GPR158: variants seen among roughly 807,000 people sequenced by gnomAD.
GPR158 encodes the protein G protein-coupled receptor 158.
In GPR158, 30 loss-of-function variants were observed where a neutral mutation model predicts 78.2. That is an observed-to-expected ratio of 0.38 (90% CI 0.29 to 0.52). The LOEUF (loss-of-function observed/expected upper bound fraction) is 0.52, where lower values mean the gene tolerates loss of function less well. Ranked by LOEUF, GPR158 falls within the 20% of genes least tolerant of loss-of-function variation. GPR158 has a pLI of 0.83. For missense variants in GPR158, 1,463 were observed against 1,523.5 expected, an observed-to-expected ratio of 0.96 and a Z score of 0.66; for synonymous variants, 581 against 591.1, an observed-to-expected ratio of 0.98 and a Z score of 0.25.
intron 2 of GPR158, among the ~76,000 whole-genome samples, chr10:25,265,618 A>G (rs1854035988): frequency 6.6e-6 from 1 of 152,204 alleles, no homozygotes; most frequent in Admixed American, 6.6e-5. Flanking sequence ...TTGATCTATT[A>G]GCACCTAGCT....
At chr10:25,579,382 T>G (rs2130738482) in intron 7 of GPR158, among the ~76,000 whole-genome samples, 1 of 152,310 alleles carries the variant, frequency 6.6e-6, no homozygotes, top group East Asian at 1.9e-4. Context: ...GACCAGATCT[T>G]GACACCTAGA....
intron 1 of GPR158, among the ~76,000 whole-genome samples, chr10:25,180,876 AAAG>A (rs1347995739): frequency 6.6e-6 from 1 of 152,102 alleles, no homozygotes; most frequent in African/African-American, 2.4e-5. Context: ...GAAAAAAAAA[AAAG>A]AAAGAAAAAT....
intron 2 of GPR158, among the ~76,000 whole-genome samples, chr10:25,286,250 G>A (rs2130759435): frequency 6.6e-6 from 1 of 152,006 alleles, no homozygotes; most frequent in Admixed American, 6.6e-5. Flanking sequence ...TGGATGCTCT[G>A]TTTTGATCCT....
intron 4 of GPR158, among the ~76,000 whole-genome samples, chr10:25,417,945 A>T (rs867117428): frequency 6.6e-6 from 1 of 152,162 alleles, no homozygotes; most frequent in African/African-American, 2.4e-5. Context: ...ACCGTATGTC[A>T]TTGAGGGCCT....
At chr10:25,421,821 A>C (rs140656523) in intron 4 of GPR158, among the ~76,000 whole-genome samples, 69 of 152,262 alleles carry the variant, frequency 4.5e-4, no homozygotes, top group African/African-American at 1.6e-3. Flanking sequence ...ATTAAAATTT[A>C]ATCAAGAGTT....
chr10:25,434,945 T>C (rs1484189825), intron 4 of GPR158, among the ~76,000 whole-genome samples: 1 of 15,890 alleles, frequency 6.3e-5, no homozygotes, highest in African/African-American at 1.7e-4. Context: ...ATATATGCAT[T>C]AGATGTTAGA....
intron 3 of GPR158, among the ~76,000 whole-genome samples, chr10:25,411,422 A>G (rs1239830552): frequency 6.6e-6 from 1 of 152,182 alleles, no homozygotes; most frequent in Non-Finnish European, 1.5e-5. Flanking sequence ...GACCTAATGA[A>G]CTTGGTAGAT....
chr10:25,336,860 C>G (rs533511560), intron 2 of GPR158, among the ~76,000 whole-genome samples: 1 of 152,164 alleles, frequency 6.6e-6, no homozygotes, highest in East Asian at 1.9e-4. Flanking sequence ...CTCTTGGATT[C>G]TTTTATAAGA....
At chr10:25,207,210 C>A (rs955006779) in intron 1 of GPR158, among the ~76,000 whole-genome samples, 3 of 152,112 alleles carry the variant, frequency 2.0e-5, no homozygotes, top group Non-Finnish European at 4.4e-5. Flanking sequence ...ACTTGACATT[C>A]TTGGCATATC....
intron 7 of GPR158, among the ~76,000 whole-genome samples, chr10:25,580,612 C>T (rs1348245112): frequency 2.0e-5 from 3 of 152,274 alleles, no homozygotes; most frequent in East Asian, 1.9e-4. Flanking sequence ...TAGACTTTCT[C>T]GTATCTGACA....
intron 5 of GPR158, among the ~76,000 whole-genome samples, chr10:25,482,841 A>G (rs1418950092): frequency 6.6e-6 from 1 of 152,036 alleles, no homozygotes; most frequent in African/African-American, 2.4e-5. Context: ...CTGCTCTTCC[A>G]GCAAGTTCCC....
chr10:25,181,525 A>G (rs1852610560), intron 1 of GPR158, among the ~76,000 whole-genome samples: 2 of 152,178 alleles, frequency 1.3e-5, no homozygotes, highest in African/African-American at 4.8e-5. Flanking sequence ...TCATGGTAGA[A>G]ATACTGGCCT....
intron 2 of GPR158, among the ~76,000 whole-genome samples, chr10:25,309,005 G>A (rs68151654): frequency 0.043 from 6,493 of 152,162 alleles, 150 homozygotes; most frequent in African/African-American, 0.052. Flanking sequence ...AATAATGCTG[G>A]TATAAATATA....
intron 6 of GPR158, among the ~76,000 whole-genome samples, 181 bp downstream of exon 6, chr10:25,551,266 T>C (rs1248052554): frequency 6.6e-6 from 1 of 152,232 alleles, no homozygotes; most frequent in Non-Finnish European, 1.5e-5. Context: ...AAATATTTAA[T>C]ACAACTGAAT....
chr10:25,304,864 C>T (rs61200313), intron 2 of GPR158, among the ~76,000 whole-genome samples: 30,765 of 152,048 alleles, frequency 0.2, 5,253 homozygotes, highest in African/African-American at 0.47. Context: ...ACTGGTAATA[C>T]AATCCAGTTA....
intron 2 of GPR158, among the ~76,000 whole-genome samples, chr10:25,241,384 CTCTTCTCT>C (rs1853624533): frequency 7.6e-6 from 1 of 131,504 alleles, no homozygotes; most frequent in South Asian, 2.4e-4. Flanking sequence ...CTCTTCTCTT[CTCTTCTCT>C]TCTCTTCTCT....
intron 5 of GPR158, among the ~76,000 whole-genome samples, chr10:25,511,886 G>T (rs939022317): frequency 4.6e-5 from 7 of 152,102 alleles, no homozygotes; most frequent in Non-Finnish European, 7.4e-5. Context: ...TGTTTCATTG[G>T]TCTATGTGCC....
chr10:25,517,720 G>GC (rs1374950226), intron 5 of GPR158, among the ~76,000 whole-genome samples: 1 of 151,212 alleles, frequency 6.6e-6, no homozygotes, highest in African/African-American at 2.4e-5. Flanking sequence ...CAGGGATGAA[G>GC]CCCACTTGAT....
intron 6 of GPR158, among the ~76,000 whole-genome samples, chr10:25,564,818 T>C (rs1836907569): frequency 6.6e-6 from 1 of 152,224 alleles, no homozygotes; most frequent in South Asian, 2.1e-4. Flanking sequence ...AAGTAGTTTC[T>C]AGAATTCCAA....
Sources: gnomAD v4.1 joint callset for allele counts (sites outside exome capture counted in the v4.1 genomes callset) on GRCh38, gnomAD v4.1.1 for gene constraint, MANE v1.5 for transcripts, NCBI Gene and HGNC (gene_info 2026-07-23, HGNC 2026-07-21) for gene names.